KCNQ1: variants seen among roughly 807,000 people sequenced by gnomAD.
KCNQ1 encodes the protein potassium voltage-gated channel subfamily Q member 1.
In KCNQ1, 49 loss-of-function variants were observed where a neutral mutation model predicts 72.4. That is an observed-to-expected ratio of 0.68 (90% confidence interval 0.54 to 0.86). KCNQ1 has a LOEUF of 0.86. Ranked by LOEUF, KCNQ1 falls within the 40% of genes least tolerant of loss-of-function variation. KCNQ1 has a pLI of 0.00. For missense variants in KCNQ1, 790 were observed against 945.1 expected (o/e 0.84, Z 2.15); for synonymous variants, 450 against 412.6 (o/e 1.09, Z -1.10).
chr11:2,458,744 C>T lies in KCNQ1; in HGVS notation c.386+13260C>T, dbSNP rs1364911323. Among the ~76,000 whole-genome samples the T allele has an allele frequency of 6.6e-6, 1 of 152,136 alleles. No individual in the cohort carries two copies. Among genetic ancestry groups the T allele is most frequent in the East Asian group, 1.9e-4 (1 of 5,200 alleles). On this transcript the variant is annotated intron_variant, in intron 1 of 15. Transcript: ENST00000155840. This position sits in a 1 kb window ranked among gnomAD's most constrained non-coding sequence, Gnocchi z 4.6. ...ACAAGTTTACTGGAAATACTCGGGC[C>T]AGAGGAACGCGCTAAATGATACTAC... is the stretch of plus-strand genomic sequence containing the variant.
intron 10 of KCNQ1, chr11:2,655,523 G>A: frequency 2.5e-6 from 1 of 398,688 alleles, no homozygotes; most frequent in Non-Finnish European, 4.4e-6. Context: ...AGTACACCAT[G>A]GGCTCAACCT....
intron 1 of KCNQ1, among the ~76,000 whole-genome samples, chr11:2,449,832 G>A (rs1255285964): frequency 1.3e-5 from 2 of 152,192 alleles, no homozygotes; most frequent in Non-Finnish European, 2.9e-5. Flanking sequence ...TTCTGCACTT[G>A]ACGTCCTTGC....
rs1342509595 is a variant in KCNQ1 at position 2,445,408 on chromosome 11, A to G, written c.310A>G (p.Thr104Ala). 5.6e-6 allele frequency: 9 copies of G among 1,597,716 alleles called. No individual in the cohort carries two copies. The highest frequency in any genetic ancestry group is 7.6e-6 in the Non-Finnish European group (9 of 1,179,690). The change falls in exon 1 of 16, where the codon ACC (threonine) becomes GCC (alanine). Residue 104 changes from threonine to alanine, a missense_variant. Physicochemically the swap from Thr to Ala is moderately conservative, Grantham distance 58. Around this residue, in one of 5 missense-constraint regions of KCNQ1, gnomAD observed 294 missense variants for 323.3 expected, o/e 0.91. Coordinates refer to ENST00000155840, the MANE Select transcript of KCNQ1 (RefSeq NM_000218.3). ...CACGCGCCGCCCGGTGTTGGCGCGC[A>G]CCCACGTCCAGGGCCGCGTCTACAA... The part of the protein sequence containing the change: ...YSTRRPVLAR[T>A]HVQGRVYNFL...
intron 14 of KCNQ1, chr11:2,777,632 C>A: frequency 1.7e-6 from 1 of 585,046 alleles, no homozygotes; most frequent in Non-Finnish European, 3.0e-6. Flanking sequence ...AATGGCTGTG[C>A]CCCCAGCCTG....
In KCNQ1 at chr11:2,668,136, G is replaced by T. The variant is rs765954970; in HGVS notation, c.1514+6055G>T. The T allele has an allele frequency of 5.0e-6, 2 of 398,550 alleles. No individual in the cohort carries two copies. The highest frequency in any genetic ancestry group is 2.1e-5 in the African/African-American group (1 of 48,716). The allele number at this position is 398,550 out of a possible 1,614,324, so 24.7% of individuals were successfully genotyped here. ...TTTGATGTCTGGCAGCCTCTCTATG[G>T]GGCTGAAGGGAGAGTGCTCCCTCAT... On this transcript the variant is annotated intron_variant, in intron 11 of 15. Transcript: ENST00000155840. This position sits in a 1 kb window ranked among gnomAD's most constrained non-coding sequence, Gnocchi z 4.3.
At chr11:2,628,946 T>C (rs1849306782) in intron 10 of KCNQ1, 5 of 398,418 alleles carry the variant, frequency 1.3e-5, no homozygotes, top group Middle Eastern at 1.3e-3. Context: ...TTTATTTCTA[T>C]GCTTTCTATT....
At chr11:2,843,816 G>A (rs774234927) in intron 15 of KCNQ1, among the ~76,000 whole-genome samples, 5 of 152,180 alleles carry the variant, frequency 3.3e-5, no homozygotes, top group Admixed American at 6.5e-5. Flanking sequence ...TTTCTCTTCC[G>A]AGGGCTGCAT....
rs1847148059 is a variant in KCNQ1 at position 2,508,865 on chromosome 11, A to G, written c.387-19063A>G. Reference sequence around the variant, plus strand: ...TTGAATGCATGCTCCCTCCACACCCATGTGCCTGATGCACACAGCCTGGCC... The same window carrying G: ...TTGAATGCATGCTCCCTCCACACCCGTGTGCCTGATGCACACAGCCTGGCC... On this transcript the variant is annotated intron_variant, in intron 1 of 15. Coordinates refer to ENST00000155840, the MANE Select transcript of KCNQ1 (RefSeq NM_000218.3). This position sits in a 1 kb window ranked among gnomAD's most constrained non-coding sequence, Gnocchi z 6.2. Among the ~76,000 whole-genome samples the G allele has an allele frequency of 6.6e-6, 1 of 152,206 alleles. No homozygotes were observed. The highest frequency in any genetic ancestry group is 1.5e-5 in the Non-Finnish European group (1 of 68,030).
chr11:2,626,165 T>C lies in KCNQ1; in HGVS notation c.1394-35796T>C, dbSNP rs925805454. On this transcript the variant is annotated intron_variant, in intron 10 of 15. Coordinates refer to ENST00000155840, the MANE Select transcript of KCNQ1 (RefSeq NM_000218.3). The surrounding 1 kb of genome is among the most constrained non-coding windows in gnomAD (Gnocchi z 4.0). ...CCAATGATGTAAAGTTTTTCCCCTA[T>C]GTTTCCTTATAAGACTTCATAGTTT... 12 of 385,918 alleles carry C rather than the reference T, an allele frequency of 3.1e-5. No homozygotes were observed. Among genetic ancestry groups the C allele is most frequent in the Non-Finnish European group, 5.3e-5 (12 of 225,938 alleles). The allele number at this position is 385,918 out of a possible 1,614,324, so 23.9% of individuals were successfully genotyped here. A position where few individuals can be genotyped will look rare whatever the true frequency, so the allele number is the denominator to read the frequency against.
rs1365665228 is a variant in KCNQ1, at chr11:2,494,056, C to A, written c.387-33872C>A. On this transcript the variant is annotated intron_variant, in intron 1 of 15. Coordinates refer to ENST00000155840, the MANE Select transcript of KCNQ1 (RefSeq NM_000218.3). The surrounding 1 kb of genome is among the most constrained non-coding windows in gnomAD (Gnocchi z 4.6). The stretch of plus-strand genomic sequence containing the variant: ...GGTTTGTTGTTCTCCTTGAAGAGGT[C>A]CTTCACATCCCTTGTAAGTTGTATT... Among the ~76,000 whole-genome samples, 1 of 152,040 alleles carries A rather than the reference C, an allele frequency of 6.6e-6. No homozygotes were observed. The highest frequency in any genetic ancestry group is 1.5e-5 in the Non-Finnish European group (1 of 68,022).
Position 2,553,172 on chromosome 11 carries a change from T to G in KCNQ1, c.478-17456T>G, listed in dbSNP as rs531280661. Among the ~76,000 whole-genome samples the G allele has an allele frequency of 3.2e-4, 46 of 143,152 alleles. No individual in the cohort carries two copies. In the East Asian group the frequency reaches 6.9e-3, roughly 21 times the overall value. The allele number at this position is 143,152 out of a possible 152,430, so 93.9% of individuals were successfully genotyped here. ...TTTGGGGTTTTTTTTGTTTTTTTTT[T>G]TTTTGTTTTTTTGTAGATTCTTTAG... On this transcript the variant is annotated intron_variant, in intron 2 of 15. Coordinates refer to ENST00000155840, the MANE Select transcript of KCNQ1 (RefSeq NM_000218.3).
At chr11:2,525,871 G>A (rs957908973) in intron 1 of KCNQ1, among the ~76,000 whole-genome samples, 18 of 152,212 alleles carry the variant, frequency 1.2e-4, no homozygotes, top group Admixed American at 2.0e-4. Flanking sequence ...ACCAGGCTGC[G>A]TCCCGGGCAT....
chr11:2,660,822 G>GA (rs749007314), intron 10 of KCNQ1: 18 of 398,414 alleles, frequency 4.5e-5, no homozygotes, highest in Non-Finnish European at 7.1e-5. Context: ...AATTACTAAG[G>GA]ACACACCCTC....
In KCNQ1 at chr11:2,668,864, A is replaced by T. The variant is rs949494571; in HGVS notation, c.1514+6783A>T. The T allele has an allele frequency of 2.5e-5, 10 of 398,524 alleles. No homozygotes were observed. The highest frequency in any genetic ancestry group is 4.0e-5 in the Non-Finnish European group (9 of 226,078). 24.7% of individuals were successfully genotyped at this position (398,524 alleles called of 1,614,324 possible). A position where few individuals can be genotyped will look rare whatever the true frequency, so the allele number is the denominator to read the frequency against. On this transcript the variant is annotated intron_variant, in intron 11 of 15. Coordinates refer to ENST00000155840, the MANE Select transcript of KCNQ1 (RefSeq NM_000218.3). The surrounding 1 kb of genome is among the most constrained non-coding windows in gnomAD (Gnocchi z 4.3). Reference sequence around the variant, plus strand: ...TAGGGCTGTTTGTGTCCTATTTAAGAAACTTTGACTACTCCAAGGTCATAA... The same window carrying T: ...TAGGGCTGTTTGTGTCCTATTTAAGTAACTTTGACTACTCCAAGGTCATAA...
rs1564854123 is a variant in KCNQ1 at position 2,674,831 on chromosome 11, T to TAAA, written c.1514+12750_1514+12751insAAA. ...GGCTTGTCACCCTAATAGCTGTTTT[T>TAAA]TAAAAAAAAAAAAAAAAAAAAAAAA... On this transcript the variant is annotated intron_variant, in intron 11 of 15. Coordinates refer to ENST00000155840, the MANE Select transcript of KCNQ1 (RefSeq NM_000218.3). The surrounding 1 kb of genome is among the most constrained non-coding windows in gnomAD (Gnocchi z 5.9). 9.0e-5 allele frequency: 33 copies of TAAA among 367,996 alleles called. 1 individual carries two copies. The highest frequency in any genetic ancestry group is 5.9e-4 in the African/African-American group (23 of 38,680). 22.8% of individuals were successfully genotyped at this position (367,996 alleles called of 1,614,324 possible).
chr11:2,514,094 C>T (rs1256266118), intron 1 of KCNQ1, among the ~76,000 whole-genome samples: 1 of 152,192 alleles, frequency 6.6e-6, no homozygotes, highest in Non-Finnish European at 1.5e-5. Context: ...CCTGAGCTGC[C>T]CTCAGCTCCT....
chr11:2,802,796 C>T (rs1051924896), intron 15 of KCNQ1, among the ~76,000 whole-genome samples: 3 of 152,196 alleles, frequency 2.0e-5, no homozygotes, highest in South Asian at 2.1e-4. Context: ...CCCAGCCCTT[C>T]ACCTCACAGT....
At chr11:2,797,003 G>A (rs982352645) in intron 15 of KCNQ1, among the ~76,000 whole-genome samples, 3 of 152,374 alleles carry the variant, frequency 2.0e-5, no homozygotes, top group Admixed American at 1.3e-4. Context: ...CGTGGGGAGA[G>A]ATTTTACAAC....
chr11:2,520,314 G>C (rs1847359433), intron 1 of KCNQ1, among the ~76,000 whole-genome samples: 1 of 152,254 alleles, frequency 6.6e-6, no homozygotes, highest in African/African-American at 2.4e-5. Context: ...ATGGGGTTCA[G>C]AGCGGGGAAC....
Sources: allele counts gnomAD v4.1 joint callset (sites outside exome capture counted in the v4.1 genomes callset), GRCh38; gene constraint gnomAD v4.1.1; regional missense constraint gnomAD v4.1.1; non-coding constraint Gnocchi (gnomAD v3.1); transcripts MANE v1.5; gene names NCBI Gene and HGNC (gene_info 2026-07-23, HGNC 2026-07-21).